Variants in PLA2G2C observed in about 807,000 individuals in gnomAD.
PLA2G2C encodes putative inactive group IIC secretory phospholipase A2.
PLA2G2C carries 15 observed loss-of-function variants against 14.3 expected under a neutral mutation model. That is an observed-to-expected ratio of 1.05 (90% CI 0.70 to 1.62). The LOEUF (loss-of-function observed/expected upper bound fraction) is 1.62. Among genes scored for constraint, PLA2G2C ranks in the 40% most tolerant of loss-of-function variants. The pLI is 0.00. For synonymous variants in PLA2G2C, 79 were observed against 67.7 expected (o/e 1.17, Z -0.82); for missense variants, 162 against 173.2 (o/e 0.94, Z 0.36).
chr1:20,179,179 C>G (rs181589869), intron 1 of PLA2G2C, among the ~76,000 whole-genome samples: 18 of 152,126 alleles, frequency 1.2e-4, no homozygotes, highest in Non-Finnish European at 2.1e-4. Context: ...GCAACTGCCT[C>G]TGTGTGTCAA....
chr1:20,168,996 T>G (rs899659830), intron 4 of PLA2G2C, among the ~76,000 whole-genome samples: 4 of 152,128 alleles, frequency 2.6e-5, no homozygotes, highest in Non-Finnish European at 2.9e-5. Context: ...CCAAGTTGTT[T>G]TCTTCCTCTC....
intron 2 of PLA2G2C, 71 bp downstream of exon 2, chr1:20,177,253 G>C (rs1289397162): frequency 5.7e-6 from 4 of 699,984 alleles, no homozygotes; most frequent in Non-Finnish European, 1.0e-5. Context: ...GCCACCTGGA[G>C]AGTCCCCCCT....
At chr1:20,183,882 A>G (rs2018317506) in intron 1 of PLA2G2C, among the ~76,000 whole-genome samples, 1 of 152,186 alleles carries the variant, frequency 6.6e-6, no homozygotes, top group Non-Finnish European at 1.5e-5. Context: ...GTGAGTCCAC[A>G]TTTCAGCTGG....
At chr1:20,184,475 A>C (rs1307208935) in intron 1 of PLA2G2C, 1 of 152,220 alleles carries the variant, frequency 6.6e-6, no homozygotes, top group Non-Finnish European at 1.5e-5. Flanking sequence ...GGATGACCAG[A>C]GTGTGTGAGG....
At chr1:20,172,070 C>T (rs1466189575) in intron 4 of PLA2G2C, among the ~76,000 whole-genome samples, 1 of 152,106 alleles carries the variant, frequency 6.6e-6, no homozygotes, top group Non-Finnish European at 1.5e-5. Context: ...GCCAAGAAGC[C>T]ACTTCTTTAT....
rs143010284 is a variant in PLA2G2C at position 20,166,150 on chromosome 1, C to T, written c.284-1993G>A. Reference sequence around the variant, plus strand: ...CTCAGGGTGATGCACTCCAGCTCCACGTGGAGAAAAAGCAGCGCCCTGTGG... The same window carrying T: ...CTCAGGGTGATGCACTCCAGCTCCATGTGGAGAAAAAGCAGCGCCCTGTGG... On this transcript the variant is annotated intron_variant, in intron 4 of 4. Coordinates refer to ENST00000679259, the MANE Select transcript of PLA2G2C (RefSeq NM_001367969.2). Among the ~76,000 whole-genome samples the T allele has an allele frequency of 2.2e-3, 333 of 152,322 alleles. 2 individuals carry two copies. The highest frequency in any genetic ancestry group is 7.4e-3 in the African/African-American group (306 of 41,572).
Position 20,163,884 on chromosome 1 carries a change from C to G in PLA2G2C, c.*107G>C, listed in dbSNP as rs545479463. ...TGCCCTGCGGGAGACATTTTGTCCTCCCTCCCAGTGGAAGAACAGGGGCCT... is the reference window on the plus strand; with the variant it reads ...TGCCCTGCGGGAGACATTTTGTCCTGCCTCCCAGTGGAAGAACAGGGGCCT... On this transcript the variant is annotated 3_prime_UTR_variant, in exon 5 of 5. Coordinates refer to ENST00000679259, the MANE Select transcript of PLA2G2C (RefSeq NM_001367969.2). The G allele has an allele frequency of 6.3e-6, 8 of 1,277,480 alleles. No homozygotes were observed. In the South Asian group the frequency reaches 1.3e-4, roughly 20 times the overall value. The allele number at this position is 1,277,480 out of a possible 1,614,324, so 79.1% of individuals were successfully genotyped here. A position where few individuals can be genotyped will look rare whatever the true frequency, so the allele number is the denominator to read the frequency against.
At chr1:20,170,900 C>T (rs1374183638) in intron 4 of PLA2G2C, among the ~76,000 whole-genome samples, 1 of 141,930 alleles carries the variant, frequency 7.0e-6, no homozygotes, top group Non-Finnish European at 1.5e-5. Context: ...GCACCTCCCA[C>T]CACTGCCCAG....
chr1:20,164,319 TGTGCATATGCATTTGTGTGC>T (rs1249451534), intron 4 of PLA2G2C, among the ~76,000 whole-genome samples, 162 bp from the exon 5 acceptor site: 1 of 152,214 alleles, frequency 6.6e-6, no homozygotes, highest in Non-Finnish European at 1.5e-5. Context: ...CATGTGTGTG[TGTGCATATGCATTTGTGTGC>T]GTGCATATGC....
In PLA2G2C at chr1:20,164,173, G is replaced by A. The variant is rs777674845; in HGVS notation, c.284-16C>T. The A allele has an allele frequency of 1.2e-6, 2 of 1,603,466 alleles. No individual in the cohort carries two copies. The highest frequency in any genetic ancestry group is 1.7e-6 in the Non-Finnish European group (2 of 1,174,646). On this transcript the variant is annotated splice_polypyrimidine_tract_variant and intron_variant, in intron 4 of 4. Coordinates refer to ENST00000679259, the MANE Select transcript of PLA2G2C (RefSeq NM_001367969.2). ...GTGCATCCACCTACAGAGACACAGA[G>A]GGTCACTGGGGGCTCCCAGCCCAGC...
At chr1:20,167,146 G>C (rs1371562652) in intron 4 of PLA2G2C, among the ~76,000 whole-genome samples, 1 of 152,108 alleles carries the variant, frequency 6.6e-6, no homozygotes, top group Non-Finnish European at 1.5e-5. Context: ...TAAGCCCCTC[G>C]CCTCAGCCCT....
At chr1:20,174,166 A>G (rs1297410670) in intron 3 of PLA2G2C, among the ~76,000 whole-genome samples, 1 of 152,126 alleles carries the variant, frequency 6.6e-6, no homozygotes, top group Non-Finnish European at 1.5e-5. Flanking sequence ...AGGTCCTCCC[A>G]TGGTTCCATG....
At chr1:20,184,210 C>CACAA (rs1266205629) in intron 1 of PLA2G2C, 1 of 152,318 alleles carries the variant, frequency 6.6e-6, no homozygotes, top group Non-Finnish European at 1.5e-5. Flanking sequence ...CACACACACA[C>CACAA]ACACACACAC....
chr1:20,163,653 A>C lies in PLA2G2C; in HGVS notation c.*338T>G. 1 of 196,826 alleles carries C rather than the reference A, an allele frequency of 5.1e-6. No homozygotes were observed. The highest frequency in any genetic ancestry group is 1.0e-5 in the Non-Finnish European group (1 of 97,546). The allele number at this position is 196,826 out of a possible 1,614,324, so 12.2% of individuals were successfully genotyped here. A position where few individuals can be genotyped will look rare whatever the true frequency, so the allele number is the denominator to read the frequency against. On this transcript the variant is annotated 3_prime_UTR_variant, in exon 5 of 5. Coordinates refer to ENST00000679259, the MANE Select transcript of PLA2G2C (RefSeq NM_001367969.2). ...GGGATGTGGGGTTGGGTGCATCTCT[A>C]TCCCGTCCCTTTGTTTTACTGCATC...
intron 4 of PLA2G2C, among the ~76,000 whole-genome samples, chr1:20,171,795 T>G (rs903519646): frequency 7.3e-6 from 1 of 137,280 alleles, no homozygotes; most frequent in South Asian, 2.4e-4. Flanking sequence ...GGAGTCTCGC[T>G]CTGTGGCCCA....
chr1:20,173,488 A>G (rs2018125858), intron 3 of PLA2G2C, among the ~76,000 whole-genome samples: 1 of 152,196 alleles, frequency 6.6e-6, no homozygotes, highest in African/African-American at 2.4e-5. Flanking sequence ...TCCCAAACTT[A>G]GGCAGCTGGA....
intron 4 of PLA2G2C, among the ~76,000 whole-genome samples, chr1:20,169,716 T>TATGA (rs1373131971): frequency 6.6e-6 from 1 of 152,218 alleles, no homozygotes; most frequent in Non-Finnish European, 1.5e-5. Flanking sequence ...CCAGCAGCCT[T>TATGA]ATGAAGTACA....
rs570185070 is a variant in PLA2G2C at position 20,163,674 on chromosome 1, G to A, written c.*317C>T. Reference sequence around the variant, plus strand: ...CTCTATCCCGTCCCTTTGTTTTACTGCATCATAGCACTTACTACAGTCTAA... The same window carrying A: ...CTCTATCCCGTCCCTTTGTTTTACTACATCATAGCACTTACTACAGTCTAA... On this transcript the variant is annotated 3_prime_UTR_variant, in exon 5 of 5. Transcript: ENST00000679259. The A allele has an allele frequency of 1.3e-5, 3 of 229,896 alleles. No individual in the cohort carries two copies. Among genetic ancestry groups the A allele is most frequent in the Middle Eastern group, 1.5e-3 (1 of 672 alleles). 14.2% of individuals were successfully genotyped at this position (229,896 alleles called of 1,614,324 possible).
intron 3 of PLA2G2C, among the ~76,000 whole-genome samples, chr1:20,173,193 G>A (rs1156375271): frequency 6.6e-6 from 1 of 151,126 alleles, no homozygotes; most frequent in Non-Finnish European, 1.5e-5. Flanking sequence ...GCACCAGCCT[G>A]TGGTCCCAGC....
Sources: allele counts gnomAD v4.1 joint callset (sites outside exome capture counted in the v4.1 genomes callset), GRCh38; gene constraint gnomAD v4.1.1; transcripts MANE v1.5; gene names NCBI Gene and HGNC (gene_info 2026-07-23, HGNC 2026-07-21).